Variants in CDH13 observed in about 807,000 individuals in gnomAD.
CDH13 encodes the protein cadherin-13.
Under a neutral mutation model 63.8 loss-of-function variants are expected in CDH13, and 24 were observed. The observed-to-expected ratio is 0.38, with a 90% CI of 0.27 to 0.53. The LOEUF is 0.53. Ranked by LOEUF, CDH13 falls within the 20% of genes least tolerant of loss-of-function variation. CDH13 has a pLI of 0.85. For synonymous variants in CDH13, 503 were observed against 355.3 expected, an observed-to-expected ratio of 1.42 and a Z score of -4.67; for missense variants, 1,049 against 903.1, an observed-to-expected ratio of 1.16 and a Z score of -2.07.
intron 2 of CDH13, among the ~76,000 whole-genome samples, chr16:82,919,778 T>C (rs542079236): frequency 2.0e-5 from 3 of 152,366 alleles, no homozygotes. Flanking sequence ...TTCGTCATCA[T>C]TCATCTACTC....
chr16:83,015,748 T>A (rs1347963265), intron 2 of CDH13, among the ~76,000 whole-genome samples: 8 of 130,612 alleles, frequency 6.1e-5, no homozygotes, highest in Non-Finnish European at 1.1e-4. Flanking sequence ...GCAATAAATC[T>A]CAGGAACCTT....
intron 1 of CDH13, among the ~76,000 whole-genome samples, chr16:82,849,060 C>A (rs757814637): frequency 1.3e-5 from 2 of 152,152 alleles, no homozygotes; most frequent in Non-Finnish European, 2.9e-5. Flanking sequence ...CGCAACGTTC[C>A]CTCAAACCAA....
intron 3 of CDH13, among the ~76,000 whole-genome samples, chr16:83,124,331 C>G (rs1012195193): frequency 2.6e-5 from 4 of 152,152 alleles, no homozygotes; most frequent in Admixed American, 6.5e-5. Flanking sequence ...TAGGTGTGAG[C>G]CACCGCACCC....
chr16:83,088,666 C>G (rs1343892306), intron 3 of CDH13, among the ~76,000 whole-genome samples: 1 of 152,132 alleles, frequency 6.6e-6, no homozygotes, highest in Admixed American at 6.5e-5. Flanking sequence ...CAGAACTTTT[C>G]CAAAAACATG....
At chr16:82,777,880 C>T (rs142254178) in intron 1 of CDH13, among the ~76,000 whole-genome samples, 7 of 152,166 alleles carry the variant, frequency 4.6e-5, no homozygotes, top group African/African-American at 1.4e-4. Flanking sequence ...TTTTGGACAG[C>T]TCCAGAGGGA....
intron 2 of CDH13, among the ~76,000 whole-genome samples, chr16:82,952,624 A>G (rs1245898009): frequency 1.3e-5 from 2 of 152,224 alleles, no homozygotes; most frequent in Non-Finnish European, 2.9e-5. Flanking sequence ...AGGCAATGTG[A>G]TCAATTTTCT....
At chr16:82,902,251 C>T (rs1187987992) in intron 2 of CDH13, among the ~76,000 whole-genome samples, 1 of 152,116 alleles carries the variant, frequency 6.6e-6, no homozygotes, top group African/African-American at 2.4e-5. Context: ...TCTTTATGTT[C>T]TTAGGGTATT....
rs373595936 is a variant in CDH13, at chr16:83,339,544, G to C, written c.637-5318G>C. Among the ~76,000 whole-genome samples the C allele has an allele frequency of 6.6e-5, 10 of 152,112 alleles. No homozygotes were observed. In the East Asian group the frequency reaches 1.4e-3, roughly 21 times the overall value. ...AAGATCCTGCAAAGTCACCATGGTG[G>C]GCTCTTATTAATAACACAAAAACCA... is the stretch of plus-strand genomic sequence containing the variant. On this transcript the variant is annotated intron_variant, in intron 5 of 13. Coordinates refer to ENST00000567109, the MANE Select transcript of CDH13 (RefSeq NM_001257.5).
chr16:83,127,135 G>C (rs1409412205), intron 4 of CDH13, among the ~76,000 whole-genome samples: 1 of 152,198 alleles, frequency 6.6e-6, no homozygotes, highest in African/African-American at 2.4e-5. Context: ...AGATGGGAAA[G>C]AATAGCATGT....
chr16:83,022,835 A>T (rs899909782), intron 2 of CDH13, among the ~76,000 whole-genome samples: 1 of 152,242 alleles, frequency 6.6e-6, no homozygotes, highest in Non-Finnish European at 1.5e-5. Flanking sequence ...ATGTGAGTGT[A>T]TAAATCACAG....
At chr16:82,895,315 C>G (rs919979964) in intron 2 of CDH13, among the ~76,000 whole-genome samples, 4 of 152,286 alleles carry the variant, frequency 2.6e-5, no homozygotes, top group African/African-American at 9.6e-5. Flanking sequence ...TCAATTGTGT[C>G]CTTCCCTGGC....
intron 2 of CDH13, among the ~76,000 whole-genome samples, chr16:82,962,937 A>C (rs963735757): frequency 4.6e-5 from 7 of 152,214 alleles, no homozygotes; most frequent in African/African-American, 1.4e-4. Flanking sequence ...TATATAAGCA[A>C]AATAATAATT....
At chr16:83,132,471 CAG>C (rs1210872538) in intron 4 of CDH13, among the ~76,000 whole-genome samples, 6 of 97,130 alleles carry the variant, frequency 6.2e-5, no homozygotes, top group African/African-American at 2.0e-4. Flanking sequence ...TTTTTTGAGA[CAG>C]AGTCTTTCTC....
At chr16:83,299,026 C>G (rs768274807) in intron 5 of CDH13, among the ~76,000 whole-genome samples, 2 of 152,080 alleles carry the variant, frequency 1.3e-5, no homozygotes, top group Non-Finnish European at 2.9e-5. Context: ...ACCAATATTC[C>G]TACCACCAAA....
chr16:82,782,221 A>G (rs1234024043), intron 1 of CDH13, among the ~76,000 whole-genome samples: 1 of 152,202 alleles, frequency 6.6e-6, no homozygotes, highest in Admixed American at 6.5e-5. Flanking sequence ...CACAAGAACC[A>G]GGATTCAGGG....
chr16:82,791,830 A>T (rs1490837662), intron 1 of CDH13, among the ~76,000 whole-genome samples: 1 of 152,110 alleles, frequency 6.6e-6, no homozygotes, highest in African/African-American at 2.4e-5. Flanking sequence ...CTTCTAATAG[A>T]GCTATAACAC....
At chr16:82,991,817 G>C (rs1373540394) in intron 2 of CDH13, among the ~76,000 whole-genome samples, 1 of 150,570 alleles carries the variant, frequency 6.6e-6, no homozygotes, top group Admixed American at 6.6e-5. Context: ...ACATAGTTGA[G>C]GAAGAGGGAA....
intron 11 of CDH13, among the ~76,000 whole-genome samples, chr16:83,764,559 A>G (rs1914232326): frequency 6.6e-6 from 1 of 151,920 alleles, no homozygotes; most frequent in Non-Finnish European, 1.5e-5. Context: ...TTATATTGGC[A>G]TTGCCATCTA....
At chr16:83,707,926 C>A (rs1907380093) in intron 10 of CDH13, among the ~76,000 whole-genome samples, 1 of 150,652 alleles carries the variant, frequency 6.6e-6, no homozygotes, top group Admixed American at 6.7e-5. Context: ...CTAATGACAC[C>A]TTCTCTTTGG....
Sources: gnomAD v4.1 joint callset for allele counts (sites outside exome capture counted in the v4.1 genomes callset) on GRCh38, gnomAD v4.1.1 for gene constraint, MANE v1.5 for transcripts, NCBI Gene and HGNC (gene_info 2026-07-23, HGNC 2026-07-21) for gene names.